Variants in UNC80 observed in about 807,000 individuals in gnomAD.
The protein encoded by UNC80 is unc-80 subunit of NALCN channel complex.
In UNC80, 164 loss-of-function variants were observed where a neutral mutation model predicts 384.6. The observed-to-expected ratio is 0.43, with a 90% CI of 0.38 to 0.49. The LOEUF is 0.49. Ranked by LOEUF, UNC80 falls within the 20% of genes least tolerant of loss-of-function variation. The pLI is 0.00. For synonymous variants in UNC80, 1,486 were observed against 1,527.8 expected (o/e 0.97, Z 0.64); for missense variants, 3,330 against 4,143.0 (o/e 0.80, Z 5.39).
chr2:209,778,498 T>A (rs1454080544), intron 4 of UNC80, among the ~76,000 whole-genome samples: 1 of 152,246 alleles, frequency 6.6e-6, no homozygotes, highest in Non-Finnish European at 1.5e-5. Flanking sequence ...TTTTAAATGC[T>A]TAAAATACAA....
intron 1 of UNC80, 54 bp from the exon 2 acceptor site, chr2:209,773,040 T>C: frequency 7.2e-7 from 1 of 1,396,098 alleles, no homozygotes; most frequent in Non-Finnish European, 1.0e-6. Flanking sequence ...ACAAGGATGC[T>C]TTAATAATAA....
intron 14 of UNC80, 49 bp downstream of exon 14, chr2:209,826,102 C>G (rs1456657861): frequency 6.6e-7 from 1 of 1,509,736 alleles, no homozygotes; most frequent in Admixed American, 2.2e-5. Flanking sequence ...TCCTTCCCTT[C>G]TGTTTAAGAA....
At chr2:209,883,614 TA>T (rs1485056013) in intron 25 of UNC80, among the ~76,000 whole-genome samples, 1 of 151,934 alleles carries the variant, frequency 6.6e-6, no homozygotes, top group East Asian at 1.9e-4. Context: ...TTATTTTTTT[TA>T]GTAGAGATGG....
intron 48 of UNC80, among the ~76,000 whole-genome samples, chr2:209,955,692 A>AATATATATATATATATAT (rs57804600): frequency 1.9e-5 from 1 of 51,610 alleles, no homozygotes; most frequent in Non-Finnish European, 3.9e-5. Flanking sequence ...CTGTATTTCT[A>AATATATATATATATATAT]ATATATATAT....
chr2:209,938,098 C>T (rs2091370611), intron 42 of UNC80, among the ~76,000 whole-genome samples: 1 of 151,210 alleles, frequency 6.6e-6, no homozygotes, highest in African/African-American at 2.4e-5. Flanking sequence ...TGCCTCTGAC[C>T]AGGGATCTGA....
intron 15 of UNC80, among the ~76,000 whole-genome samples, chr2:209,830,888 C>G (rs909827405): frequency 7.2e-5 from 11 of 152,156 alleles, no homozygotes; most frequent in African/African-American, 2.7e-4. Context: ...CTCTGCAGTT[C>G]TTGGCAGGAC....
At chr2:209,960,497 G>A (rs916928755) in intron 51 of UNC80, among the ~76,000 whole-genome samples, 34 of 152,138 alleles carry the variant, frequency 2.2e-4, no homozygotes, top group Non-Finnish European at 3.5e-4. Context: ...AAATGTCATG[G>A]GTAACAAAAG....
At position 209,847,474 on chromosome 2, in the gene UNC80, G is replaced by A. The variant is rs192880622; in HGVS notation, c.3455-1977G>A. Among the ~76,000 whole-genome samples, 145 of 151,746 alleles carry A rather than the reference G, an allele frequency of 9.6e-4. 1 individual carries two copies. Among genetic ancestry groups the A allele is most frequent in the African/African-American group, 3.3e-3 (135 of 41,378 alleles). ...CTTTTATTAATAACATGATTCTTAC[G>A]TCCTGTGCTTATAGGATTCTGCTGA... On this transcript the variant is annotated intron_variant, in intron 21 of 64. Coordinates refer to ENST00000673920, the MANE Select transcript of UNC80 (RefSeq NM_001371986.1).
intron 22 of UNC80, among the ~76,000 whole-genome samples, chr2:209,850,952 A>G (rs2082487208): frequency 6.6e-6 from 1 of 152,138 alleles, no homozygotes; most frequent in South Asian, 2.1e-4. Flanking sequence ...GTTTGTCTTA[A>G]TCACATCTTG....
chr2:209,944,768 C>A (rs1003672317), intron 45 of UNC80, among the ~76,000 whole-genome samples: 3 of 152,076 alleles, frequency 2.0e-5, no homozygotes, highest in African/African-American at 4.8e-5. Context: ...ATTAAAGGAA[C>A]CATTGATATG....
intron 51 of UNC80, among the ~76,000 whole-genome samples, chr2:209,960,065 G>A (rs968283464): frequency 6.6e-6 from 1 of 152,162 alleles, no homozygotes; most frequent in East Asian, 1.9e-4. Flanking sequence ...CACAAGAATT[G>A]AATGTTTCTT....
At chr2:209,787,803 T>C (rs2077537206) in intron 5 of UNC80, among the ~76,000 whole-genome samples, 1 of 152,224 alleles carries the variant, frequency 6.6e-6, no homozygotes, top group Non-Finnish European at 1.5e-5. Context: ...TACTTTTCAT[T>C]GTTATTTTAG....
intron 33 of UNC80, among the ~76,000 whole-genome samples, chr2:209,919,969 AC>A: frequency 6.6e-6 from 1 of 152,208 alleles, no homozygotes; most frequent in Middle Eastern, 3.4e-3. Flanking sequence ...AATATAATAA[AC>A]CAGCTTAGCT....
intron 4 of UNC80, among the ~76,000 whole-genome samples, chr2:209,778,268 T>C (rs1266970098): frequency 6.6e-6 from 1 of 152,094 alleles, no homozygotes; most frequent in East Asian, 1.9e-4. Context: ...CCAGGCGTAG[T>C]GCACATCTGC....
intron 7 of UNC80, chr2:209,795,390 C>T (rs2078089526): frequency 6.6e-6 from 1 of 152,166 alleles, no homozygotes; most frequent in Non-Finnish European, 1.5e-5. Context: ...AAATTTGCAG[C>T]CTGACTATGC....
chr2:209,952,096 A>G (rs2092214484), intron 47 of UNC80, among the ~76,000 whole-genome samples: 2 of 152,162 alleles, frequency 1.3e-5, no homozygotes, highest in Non-Finnish European at 2.9e-5. Flanking sequence ...GTTATCTCTT[A>G]TTTAACATTT....
chr2:209,904,625 G>C, intron 28 of UNC80, 140 bp from the exon 29 acceptor site: 1 of 719,548 alleles, frequency 1.4e-6, no homozygotes, highest in African/African-American at 1.8e-5. Flanking sequence ...GTCCTCCTTT[G>C]GGAATTATTG....
chr2:209,882,272 C>T (rs997510426), intron 25 of UNC80, among the ~76,000 whole-genome samples: 11 of 151,990 alleles, frequency 7.2e-5, no homozygotes, highest in Non-Finnish European at 1.5e-4. Context: ...GCCACGTTTC[C>T]TCCTTTTTAA....
intron 23 of UNC80, among the ~76,000 whole-genome samples, chr2:209,877,376 C>G (rs552953061): frequency 6.6e-6 from 1 of 152,208 alleles, no homozygotes; most frequent in Admixed American, 6.5e-5. Flanking sequence ...GTTGGGCACT[C>G]TACCAAAAGA....
Sources: gnomAD v4.1 joint callset for allele counts (sites outside exome capture counted in the v4.1 genomes callset) on GRCh38, gnomAD v4.1.1 for gene constraint, MANE v1.5 for transcripts, NCBI Gene and HGNC (gene_info 2026-07-23, HGNC 2026-07-21) for gene names.